Variants in ALS2 observed in about 807,000 individuals in gnomAD.
The protein encoded by ALS2 is alsin.
A neutral mutation model predicts 203.4 loss-of-function variants in ALS2; 117 were observed. That is an observed-to-expected ratio of 0.58 (90% CI 0.50 to 0.67). The LOEUF (loss-of-function observed/expected upper bound fraction) is 0.67. ALS2 is among the 30% of genes least tolerant of loss of function. The pLI is 0.00. For synonymous variants in ALS2, 718 were observed against 725.9 expected (o/e 0.99, Z 0.17); for missense variants, 1,715 against 1,989.4 (o/e 0.86, Z 2.62).
rs758240479 is a variant in ALS2, at chr2:201,726,869, A to C, written c.2980-3T>G. On this transcript the variant is annotated splice_region_variant and splice_polypyrimidine_tract_variant and intron_variant, in intron 17 of 33. Coordinates refer to ENST00000264276, the MANE Select transcript of ALS2 (RefSeq NM_020919.4). Reference sequence around the variant, plus strand: ...CTTATAGCTCGTAGCCACTTTGTCTAGGAGCAAAAAGTAACGTCAATAAGT... The same window carrying C: ...CTTATAGCTCGTAGCCACTTTGTCTCGGAGCAAAAAGTAACGTCAATAAGT... 17 of 1,613,366 alleles carry C rather than the reference A, an allele frequency of 1.1e-5. No homozygotes were observed. The highest frequency in any genetic ancestry group is 1.4e-5 in the Non-Finnish European group (16 of 1,179,582).
chr2:201,716,850 C>CT (rs1690431093), intron 24 of ALS2: 1 of 151,940 alleles, frequency 6.6e-6, no homozygotes, highest in African/African-American at 2.4e-5. Context: ...CTAAAAGACT[C>CT]TAAGAATAAA....
intron 13 of ALS2, among the ~76,000 whole-genome samples, chr2:201,729,754 G>A (rs796220822): frequency 8.6e-5 from 13 of 151,742 alleles, no homozygotes; most frequent in African/African-American, 2.7e-4. Context: ...GGTGGCGGGC[G>A]CCTGTAGACC....
At chr2:201,726,407 G>A in intron 19 of ALS2, 77 bp downstream of exon 19, 1 of 1,260,946 alleles carries the variant, frequency 7.9e-7, no homozygotes, top group Non-Finnish European at 1.2e-6. Flanking sequence ...TTGAAAAGCA[G>A]CTCTGCATAC....
intron 28 of ALS2, 54 bp from the exon 29 acceptor site, chr2:201,707,076 A>G: frequency 6.6e-7 from 1 of 1,519,506 alleles, no homozygotes; most frequent in Non-Finnish European, 9.0e-7. Context: ...AAAATTGAAT[A>G]CAGAATCCAA....
chr2:201,738,288 T>C (rs1473073900), intron 12 of ALS2, among the ~76,000 whole-genome samples: 1 of 152,208 alleles, frequency 6.6e-6, no homozygotes, highest in East Asian at 1.9e-4. Flanking sequence ...TGCAAATAGG[T>C]TGTATCTGCG....
At chr2:201,767,478 C>T (rs1457988453) in intron 2 of ALS2, 95 bp from the exon 3 acceptor site, 14 of 1,383,782 alleles carry the variant, frequency 1.0e-5, no homozygotes, top group Non-Finnish European at 1.3e-5. Flanking sequence ...TTTACCAGCA[C>T]ATGGATGACT....
At chr2:201,724,264 A>C (rs761451954) in intron 21 of ALS2, 31 bp downstream of exon 21, 94 of 1,601,538 alleles carry the variant, frequency 5.9e-5, no homozygotes, top group Non-Finnish European at 8.0e-5. Flanking sequence ...TCATTGGCTT[A>C]AACTGTGGGA....
At chr2:201,730,576 T>C (rs1319846217) in intron 13 of ALS2, among the ~76,000 whole-genome samples, 1 of 152,174 alleles carries the variant, frequency 6.6e-6, no homozygotes, top group Non-Finnish European at 1.5e-5. Flanking sequence ...TGAGAAAATA[T>C]CTGCCAATAT....
In ALS2 at chr2:201,713,725, T is replaced by C. The variant is rs542872924; in HGVS notation, c.4004+1947A>G. On this transcript the variant is annotated intron_variant, in intron 25 of 33. Transcript: ENST00000264276. ...GTTCTAATATTTATTTCAAGGGTGTTTGTGATTGCACATGTGAGTATTTTA... is the reference window on the plus strand; with the variant it reads ...GTTCTAATATTTATTTCAAGGGTGTCTGTGATTGCACATGTGAGTATTTTA... 2.7e-5 allele frequency among the ~76,000 whole-genome samples: 4 copies of C among 149,850 alleles called. No homozygotes were observed. The East Asian group carries it at 8.2e-4, about 31-fold the overall frequency.
At chr2:201,741,413 C>G (rs966229343) in intron 11 of ALS2, 1 of 402,342 alleles carries the variant, frequency 2.5e-6, no homozygotes, top group African/African-American at 2.0e-5. Flanking sequence ...TATTATAGTA[C>G]ATTTAATGTA....
At chr2:201,722,924 C>A (rs1029508484) in intron 23 of ALS2, 119 bp downstream of exon 23, 3 of 787,992 alleles carry the variant, frequency 3.8e-6, no homozygotes, top group African/African-American at 3.5e-5. Flanking sequence ...CCAAAAATCA[C>A]TGAAACGTGC....
chr2:201,738,624 A>G (rs1692036081), intron 12 of ALS2, 46 bp downstream of exon 12: 2 of 1,566,266 alleles, frequency 1.3e-6, no homozygotes, highest in Non-Finnish European at 1.8e-6. Context: ...ATAAAATGTC[A>G]TCTTTGGCGG....
Position 201,756,649 on chromosome 2 carries a change from T to C in ALS2, c.1471+753A>G, listed in dbSNP as rs74267267. On this transcript the variant is annotated intron_variant, in intron 5 of 33. Transcript: ENST00000264276. ...TTTACATAACCACAGCGTAGCTGAG[T>C]AGTTGTCACAGAGACAGGATGTCCT... Among the ~76,000 whole-genome samples, 406 of 152,352 alleles carry C rather than the reference T, an allele frequency of 2.7e-3. 11 individuals are homozygous for C. The East Asian group carries it at 0.059, about 22-fold the overall frequency.
chr2:201,761,688 A>G lies in ALS2; in HGVS notation c.306T>C (p.His102=), dbSNP rs1187670355. 3.1e-6 allele frequency: 5 copies of G among 1,614,016 alleles called. No homozygotes were observed. In the African/African-American group the frequency reaches 4.0e-5, roughly 13 times the overall value. ...CACCATTGTCTGTCACTGCTCCACTATGGAAGCTTCCTGTTGCCACAGTAA... is the reference window on the plus strand; with the variant it reads ...CACCATTGTCTGTCACTGCTCCACTGTGGAAGCTTCCTGTTGCCACAGTAA... ...YVITVATGSF[H]SGAVTDNGVA... The change falls in exon 4 of 34, where the codon CAT becomes CAC. Residue 102 remains histidine (H), a synonymous_variant. Transcript: ENST00000264276.
chr2:201,742,993 C>T (rs1692380240), intron 10 of ALS2, among the ~76,000 whole-genome samples: 1 of 151,594 alleles, frequency 6.6e-6, no homozygotes, highest in Non-Finnish European at 1.5e-5. Flanking sequence ...ATTGCTTGAA[C>T]CCAGGAGGTG....
At chr2:201,757,077 G>A (rs1051445378) in intron 5 of ALS2, among the ~76,000 whole-genome samples, 17 of 152,094 alleles carry the variant, frequency 1.1e-4, no homozygotes, top group Non-Finnish European at 2.2e-4. Flanking sequence ...TCCAATGGTC[G>A]CATCTCCAAC....
At position 201,726,673 on chromosome 2, in the gene ALS2, G is replaced by A. The variant is rs1385662162; in HGVS notation, c.3173C>T (p.Pro1058Leu). The change falls in exon 18 of 34, where the codon CCT (proline) becomes CTT (leucine). Residue 1058 changes from proline (P) to leucine (L), a missense_variant. By Grantham distance (98) the Pro-to-Leu change is moderately conservative (BLOSUM62 -3). This residue lies in a region of ALS2 where 1,227 missense variants were observed against 1,413.5 expected (regional missense o/e 0.87). Coordinates refer to ENST00000264276, the MANE Select transcript of ALS2 (RefSeq NM_020919.4). ...TCTTCAACATTTTCACCTGCCATGA[G>A]GCTTCCCTGAAAGCCAGCGTCCATC... ...TYDGRWLSGK[P>L]HGRGVLKWPD... The A allele has an allele frequency of 6.2e-7, 1 of 1,614,136 alleles. No homozygotes were observed. The highest frequency in any genetic ancestry group is 1.7e-5 in the Admixed American group (1 of 60,024).
chr2:201,735,324 TTGTACACTTATTAGTGTACAATTAA>T (rs1351050194), intron 12 of ALS2, among the ~76,000 whole-genome samples: 1 of 152,192 alleles, frequency 6.6e-6, no homozygotes, highest in East Asian at 1.9e-4. Flanking sequence ...GCCCCCTAAA[TTGTACACTTATTAGTGTACAATTAA>T]GATTAAAATG....
chr2:201,767,174 C>T lies in ALS2; in HGVS notation c.175+55G>A. 3 of 1,610,450 alleles carry T rather than the reference C, an allele frequency of 1.9e-6. No individual in the cohort carries two copies. The Admixed American group carries it at 5.0e-5, about 27-fold the overall frequency. On this transcript the variant is annotated intron_variant, in intron 3 of 33. Transcript: ENST00000264276. The stretch of plus-strand genomic sequence containing the variant: ...TGACTCCCATACCTGACCTTCCACA[C>T]TCAGGCATTTGTTAGCATTGCAGTT...
Sources: gnomAD v4.1 joint callset for allele counts (sites outside exome capture counted in the v4.1 genomes callset) on GRCh38, gnomAD v4.1.1 for gene constraint, gnomAD v4.1.1 regional missense constraint, MANE v1.5 for transcripts, NCBI Gene and HGNC (gene_info 2026-07-23, HGNC 2026-07-21) for gene names.